Variants in HEATR5A observed in about 807,000 individuals in gnomAD.
HEATR5A encodes HEAT repeat-containing protein 5A.
Under a neutral mutation model 218.8 loss-of-function variants are expected in HEATR5A, and 178 were observed. That is an observed-to-expected ratio of 0.81 (90% confidence interval 0.72 to 0.92). The LOEUF (loss-of-function observed/expected upper bound fraction) is 0.92. Ranked by LOEUF, HEATR5A falls within the 40% of genes least tolerant of loss-of-function variation. The pLI is 0.00. For missense variants in HEATR5A, 2,420 were observed against 2,418.9 expected (o/e 1.00, Z -0.01); for synonymous variants, 864 against 871.6 (o/e 0.99, Z 0.15).
intron 33 of HEATR5A, chr14:31,296,914 A>G (rs1437777803): frequency 6.6e-6 from 1 of 152,254 alleles, no homozygotes; most frequent in Non-Finnish European, 1.5e-5. Flanking sequence ...TTAGGCACAG[A>G]GAATACATCT....
In HEATR5A at chr14:31,364,247, C is replaced by T; in HGVS notation, c.2013G>A (p.Val671=). The T allele has an allele frequency of 6.4e-7, 1 of 1,555,324 alleles. No homozygotes were observed. Among genetic ancestry groups the T allele is most frequent in the Non-Finnish European group, 8.7e-7 (1 of 1,147,034 alleles). The stretch of plus-strand genomic sequence containing the variant: ...GTTCATAAAGTCTTTGTCTATAAAC[C>T]ACTGACGGTGTTTTCAAAGGACTTC... The part of the protein sequence containing the change: ...MYGSPLKTPS[V]VYRQRLYELL... Residue 671 remains valine, a synonymous_variant, in exon 14 of 36, where the codon GTG becomes GTA. Transcript: ENST00000543095.
rs185716802 is a variant in HEATR5A, at chr14:31,384,638, C to T, written c.1346-867G>A. Among the ~76,000 whole-genome samples the T allele has an allele frequency of 1.3e-3, 192 of 151,220 alleles. No individual in the cohort carries two copies. In the East Asian group the frequency reaches 0.029, roughly 23 times the overall value. On this transcript the variant is annotated intron_variant, in intron 9 of 35. Coordinates refer to ENST00000543095, the MANE Select transcript of HEATR5A (RefSeq NM_015473.4). ...GCCTTCCGGGTTTAAGTGATCCTCT[C>T]GCCTCAGCCTCCTGAGCAGCTAGGA...
At chr14:31,356,084 C>T (rs1202761251) in intron 16 of HEATR5A, among the ~76,000 whole-genome samples, 1 of 152,188 alleles carries the variant, frequency 6.6e-6, no homozygotes, top group Non-Finnish European at 1.5e-5. Context: ...TGATATTTTA[C>T]ATAAATATCA....
At chr14:31,310,956 A>G (rs1412434370) in intron 28 of HEATR5A, among the ~76,000 whole-genome samples, 1 of 151,938 alleles carries the variant, frequency 6.6e-6, no homozygotes, top group Non-Finnish European at 1.5e-5. Flanking sequence ...GTGCACTATG[A>G]TTGCTCCTGT....
At chr14:31,331,949 G>A (rs970463447) in intron 22 of HEATR5A, among the ~76,000 whole-genome samples, 1 of 152,156 alleles carries the variant, frequency 6.6e-6, no homozygotes, top group African/African-American at 2.4e-5. Context: ...AATTCAAGAT[G>A]AGATTTGGAT....
rs1899072360 is a variant in HEATR5A, at chr14:31,293,175, TCA to T, written c.*128_*129del. ...TTAAGTATGCTGTTACTTTGAAGAG[TCA>T]CAGCTATTTAAGGTAAAACAATCAA... On this transcript the variant is annotated 3_prime_UTR_variant, in exon 36 of 36. Transcript: ENST00000543095. The T allele has an allele frequency of 3.2e-6, 2 of 634,612 alleles. No homozygotes were observed. Among genetic ancestry groups the T allele is most frequent in the Non-Finnish European group, 5.3e-6 (2 of 377,736 alleles). The allele number at this position is 634,612 out of a possible 1,614,324, so 39.3% of individuals were successfully genotyped here.
intron 2 of HEATR5A, 65 bp downstream of exon 2, chr14:31,402,785 A>G (rs1289021777): frequency 1.4e-6 from 2 of 1,468,830 alleles, no homozygotes; most frequent in East Asian, 4.9e-5. Context: ...AAAACTAGAA[A>G]AGCAAACCAA....
At position 31,402,846 on chromosome 14, in the gene HEATR5A, C is replaced by T; in HGVS notation, c.126+4G>A. The stretch of plus-strand genomic sequence containing the variant: ...AAAAAAACAGATGTTGTCATTTTAC[C>T]CACCCTGCTGGTTGCCAACAAGAGC... On this transcript the variant is annotated splice_donor_region_variant and intron_variant, in intron 2 of 35. Coordinates refer to ENST00000543095, the MANE Select transcript of HEATR5A (RefSeq NM_015473.4). The T allele has an allele frequency of 6.5e-7, 1 of 1,536,046 alleles. No individual in the cohort carries two copies. Among genetic ancestry groups the T allele is most frequent in the South Asian group, 1.2e-5 (1 of 84,008 alleles).
Position 31,364,420 on chromosome 14 carries a change from G to C in HEATR5A, c.1962-122C>G, listed in dbSNP as rs141798257. On this transcript the variant is annotated intron_variant, in intron 13 of 35. Coordinates refer to ENST00000543095, the MANE Select transcript of HEATR5A (RefSeq NM_015473.4). Reference sequence around the variant, plus strand: ...TATTTTATTAACAAACATTAGTGCTGCTTTACTTTTATTTTTTGAGACAGG... The same window carrying C: ...TATTTTATTAACAAACATTAGTGCTCCTTTACTTTTATTTTTTGAGACAGG... The C allele has an allele frequency of 1.6e-4, 87 of 556,838 alleles. No homozygotes were observed. The African/African-American group carries it at 1.6e-3, about 10-fold the overall frequency. 34.5% of individuals were successfully genotyped at this position (556,838 alleles called of 1,614,324 possible).
chr14:31,399,096 A>G (rs1282758268), intron 3 of HEATR5A, among the ~76,000 whole-genome samples: 3 of 152,166 alleles, frequency 2.0e-5, no homozygotes, highest in Non-Finnish European at 4.4e-5. Context: ...TTTTGAGTTA[A>G]TTTTTTATAC....
chr14:31,368,261 G>A (rs1901878669), intron 13 of HEATR5A, among the ~76,000 whole-genome samples: 1 of 152,104 alleles, frequency 6.6e-6, no homozygotes, highest in South Asian at 2.1e-4. Context: ...TGCCATCTTG[G>A]AGGTAAACAG....
At chr14:31,350,043 T>C in intron 17 of HEATR5A, 64 bp from the exon 18 acceptor site, 1 of 1,132,404 alleles carries the variant, frequency 8.8e-7, no homozygotes, top group East Asian at 2.8e-5. Context: ...CAGTTAGGAA[T>C]GTACATTCTG....
intron 28 of HEATR5A, among the ~76,000 whole-genome samples, chr14:31,310,170 C>T (rs117023833): frequency 1.7e-3 from 263 of 151,668 alleles, no homozygotes; most frequent in East Asian, 0.01. Context: ...TGTGTTTAAA[C>T]GTTTACTTAA....
At chr14:31,350,010 C>G in intron 17 of HEATR5A, 31 bp from the exon 18 acceptor site, 1 of 1,414,316 alleles carries the variant, frequency 7.1e-7, no homozygotes, top group Non-Finnish European at 9.5e-7. Flanking sequence ...CCCAAACTTA[C>G]AATTGTAGTA....
At position 31,420,446 on chromosome 14, in the gene HEATR5A, C is replaced by T. The variant is rs577814592; in HGVS notation, c.-75+26G>A. On this transcript the variant is annotated intron_variant, in intron 1 of 35. Transcript: ENST00000543095. ...GCCCCCTCGCGCCCGGAGGTGTCCC[C>T]GCTCCCTGGATCCCCGACTGCCTGC... 73 of 153,490 alleles carry T rather than the reference C, an allele frequency of 4.8e-4. No homozygotes were observed. The East Asian group carries it at 8.1e-3, about 17-fold the overall frequency. 9.5% of individuals were successfully genotyped at this position (153,490 alleles called of 1,614,324 possible). A position where few individuals can be genotyped will look rare whatever the true frequency, so the allele number is the denominator to read the frequency against.
intron 26 of HEATR5A, among the ~76,000 whole-genome samples, chr14:31,317,727 G>C (rs370800165): frequency 6.7e-6 from 1 of 150,054 alleles, no homozygotes; most frequent in Non-Finnish European, 1.5e-5. Flanking sequence ...ACTATCCTGA[G>C]ACAGACTTTT....
Position 31,402,911 on chromosome 14 carries a change from T to A in HEATR5A, c.65A>T (p.Lys22Met). 1.3e-6 allele frequency: 2 copies of A among 1,536,426 alleles called. No homozygotes were observed. The highest frequency in any genetic ancestry group is 1.7e-6 in the Non-Finnish European group (2 of 1,146,900). The change falls in exon 2 of 36, where the codon AAG (lysine) becomes ATG (methionine). Residue 22 changes from lysine (K) to methionine (M), a missense_variant. By Grantham distance (95) the Lys-to-Met change is moderately conservative. Coordinates refer to ENST00000543095, the MANE Select transcript of HEATR5A (RefSeq NM_015473.4). Reference sequence around the variant, plus strand: ...CAACCACTCAAAAATAAACTCTGCCTTCTGAACTTCACCTAGTTGATTGTA... The same window carrying A: ...CAACCACTCAAAAATAAACTCTGCCATCTGAACTTCACCTAGTTGATTGTA... ...EAYNQLGEVQ[K>M]AEFIFEWLRY...
At chr14:31,417,678 A>G (rs1398359992) in intron 1 of HEATR5A, among the ~76,000 whole-genome samples, 2 of 150,774 alleles carry the variant, frequency 1.3e-5, no homozygotes, top group East Asian at 4.0e-4. Context: ...TGAACCCAGG[A>G]GGCGCAGGTT....
chr14:31,299,053 G>A (rs1899280993), intron 33 of HEATR5A, among the ~76,000 whole-genome samples: 1 of 152,060 alleles, frequency 6.6e-6, no homozygotes, highest in Non-Finnish European at 1.5e-5. Flanking sequence ...CTCTAACCTT[G>A]ATTTTGGTCC....
Sources: gnomAD v4.1 joint callset for allele counts (sites outside exome capture counted in the v4.1 genomes callset) on GRCh38, gnomAD v4.1.1 for gene constraint, MANE v1.5 for transcripts, NCBI Gene and HGNC (gene_info 2026-07-23, HGNC 2026-07-21) for gene names.